The following FAM170B variants were observed in gnomAD, a reference collection of about 807,000 sequenced individuals.
FAM170B encodes family with sequence similarity 170 member B.
FAM170B carries 4 observed loss-of-function variants against 3.9 expected under a neutral mutation model. That is an observed-to-expected ratio of 1.01 (90% CI 0.50 to 2.32). The LOEUF is 2.32. FAM170B is among the 30% of genes most tolerant of loss of function. FAM170B has a pLI of 0.02. For synonymous variants in FAM170B, 163 were observed against 149.8 expected (o/e 1.09, Z -0.64); for missense variants, 417 against 368.6 (o/e 1.13, Z -1.07).
chr10:49,132,373 G>A (rs1041356663), intron 1 of FAM170B, 21 bp from the exon 2 acceptor site: 1 of 1,511,662 alleles, frequency 6.6e-7, no homozygotes, highest in Non-Finnish European at 8.9e-7. Context: ...GAAGGACATT[G>A]TCATCAGTGC....
Position 49,131,962 on chromosome 10 carries a change from G to C in FAM170B, c.503C>G (p.Ala168Gly), listed in dbSNP as rs1395182163. The C allele has an allele frequency of 6.4e-7, 1 of 1,551,500 alleles. No homozygotes were observed. The highest frequency in any genetic ancestry group is 2.4e-5 in the East Asian group (1 of 40,920). The change falls in exon 2 of 2, where the codon GCC becomes GGC. Residue 168 changes from alanine to glycine, a missense_variant. Coordinates refer to ENST00000311787, the MANE Select transcript of FAM170B (RefSeq NM_001164484.2). Reference sequence around the variant, plus strand: ...CTCGGGGCTGCAGTTGCTCTTGCAGGCTTCCAGGTCCCAGCGCATATCGGT... The same window carrying C: ...CTCGGGGCTGCAGTTGCTCTTGCAGCCTTCCAGGTCCCAGCGCATATCGGT... Reference protein sequence around the residue: ...SNTDMRWDLEACKSNCSPEPE... With the variant: ...SNTDMRWDLEGCKSNCSPEPE...
Position 49,131,462 on chromosome 10 carries a change from TCCTGGC to T in FAM170B, c.*145_*150del. ...GGCAGGAAGGGGGTTCCTTCCAGTC[TCCTGGC>T]CCTCCTTGCTCTACACTCCATGCCT... On this transcript the variant is annotated 3_prime_UTR_variant, in exon 2 of 2. Coordinates refer to ENST00000311787, the MANE Select transcript of FAM170B (RefSeq NM_001164484.2). 1 of 1,163,460 alleles carries T rather than the reference TCCTGGC, an allele frequency of 8.6e-7. No individual in the cohort carries two copies. Among genetic ancestry groups the T allele is most frequent in the Non-Finnish European group, 1.2e-6 (1 of 857,584 alleles). The allele number at this position is 1,163,460 out of a possible 1,614,324, so 72.1% of individuals were successfully genotyped here. A position where few individuals can be genotyped will look rare whatever the true frequency, so the allele number is the denominator to read the frequency against.
intron 1 of FAM170B, 23 bp from the exon 2 acceptor site, chr10:49,132,375 C>A: frequency 6.6e-7 from 1 of 1,508,224 alleles, no homozygotes; most frequent in African/African-American, 1.4e-5. Context: ...AGGACATTGT[C>A]ATCAGTGCCC....
At chr10:49,133,664 C>G in intron 1 of FAM170B, 143 bp downstream of exon 1, 2 of 652,666 alleles carry the variant, frequency 3.1e-6, no homozygotes, top group Non-Finnish European at 5.4e-6. Context: ...TATCAATTTC[C>G]TTTCCCTCCA....
At position 49,133,994 on chromosome 10, in the gene FAM170B, C is replaced by A; in HGVS notation, c.-76G>T. 1 of 1,119,672 alleles carries A rather than the reference C, an allele frequency of 8.9e-7. No homozygotes were observed. Among genetic ancestry groups the A allele is most frequent in the African/African-American group, 1.5e-5 (1 of 65,132 alleles). The allele number at this position is 1,119,672 out of a possible 1,614,324, so 69.4% of individuals were successfully genotyped here. On this transcript the variant is annotated 5_prime_UTR_variant, in exon 1 of 2. Coordinates refer to ENST00000311787, the MANE Select transcript of FAM170B (RefSeq NM_001164484.2). The stretch of plus-strand genomic sequence containing the variant: ...TTGGCTGGGGCTGTACTGAAGGCCT[C>A]CAGCTGGCCCCAGCCAGAGTGGACA...
At chr10:49,133,751 G>A (rs934897625) in intron 1 of FAM170B, 56 bp downstream of exon 1, 18 of 1,447,722 alleles carry the variant, frequency 1.2e-5, no homozygotes, top group African/African-American at 1.1e-4. Flanking sequence ...TCCCATCAGG[G>A]CTTCCTTCCC....
At chr10:49,133,684 T>C in intron 1 of FAM170B, 123 bp downstream of exon 1, 1 of 727,348 alleles carries the variant, frequency 1.4e-6, no homozygotes, top group East Asian at 2.7e-5. Flanking sequence ...ACATCTATGT[T>C]TATGGTCAAC....
At position 49,131,375 on chromosome 10, in the gene FAM170B, A is replaced by G. The variant is rs1845179082; in HGVS notation, c.*238T>C. 2.0e-6 allele frequency: 1 copy of G among 491,868 alleles called. No individual in the cohort carries two copies. 30.5% of individuals were successfully genotyped at this position (491,868 alleles called of 1,614,324 possible). On this transcript the variant is annotated 3_prime_UTR_variant, in exon 2 of 2. Coordinates refer to ENST00000311787, the MANE Select transcript of FAM170B (RefSeq NM_001164484.2). ...TTTCAGATGTTGTGCCTGCCATCAGAAACACTCAAAGCCCTCTCGTTTGGG... is the reference window on the plus strand; with the variant it reads ...TTTCAGATGTTGTGCCTGCCATCAGGAACACTCAAAGCCCTCTCGTTTGGG...
rs569761208 is a variant in FAM170B at position 49,131,592 on chromosome 10, G to A, written c.*21C>T. On this transcript the variant is annotated 3_prime_UTR_variant, in exon 2 of 2. Transcript: ENST00000311787. ...CCCAGGCCCTGGAGGTGAGGGCAGG[G>A]TTGGGTATCTCCCCTCTGGCTCACT... is the stretch of plus-strand genomic sequence containing the variant. 3 of 1,540,558 alleles carry A rather than the reference G, an allele frequency of 1.9e-6. No homozygotes were observed. The highest frequency in any genetic ancestry group is 1.2e-5 in the South Asian group (1 of 82,192).
chr10:49,132,845 CAA>C (rs111650567), intron 1 of FAM170B, among the ~76,000 whole-genome samples: 31 of 142,728 alleles, frequency 2.2e-4, no homozygotes, highest in Middle Eastern at 3.5e-3. Flanking sequence ...AGAATGTGAA[CAA>C]AAAAAAAAAA....
chr10:49,131,400 G>A lies in FAM170B; in HGVS notation c.*213C>T. On this transcript the variant is annotated 3_prime_UTR_variant, in exon 2 of 2. Coordinates refer to ENST00000311787, the MANE Select transcript of FAM170B (RefSeq NM_001164484.2). ...AAACACTCAAAGCCCTCTCGTTTGG[G>A]TTTTGAAATGGACTCTGGTGGAGAT... 1.7e-6 allele frequency: 1 copy of A among 602,194 alleles called. No individual in the cohort carries two copies. Among genetic ancestry groups the A allele is most frequent in the East Asian group, 3.0e-5 (1 of 33,812 alleles). The allele number at this position is 602,194 out of a possible 1,614,324, so 37.3% of individuals were successfully genotyped here.
chr10:49,133,984 C>T lies in FAM170B; in HGVS notation c.-66G>A, dbSNP rs2132046811. On this transcript the variant is annotated 5_prime_UTR_variant, in exon 1 of 2. Coordinates refer to ENST00000311787, the MANE Select transcript of FAM170B (RefSeq NM_001164484.2). ...TCAGTGAGAGTTGGCTGGGGCTGTA[C>T]TGAAGGCCTCCAGCTGGCCCCAGCC... is the stretch of plus-strand genomic sequence containing the variant. The T allele has an allele frequency of 1.5e-6, 2 of 1,300,792 alleles. No individual in the cohort carries two copies. The highest frequency in any genetic ancestry group is 5.0e-5 in the East Asian group (2 of 39,732). The allele number at this position is 1,300,792 out of a possible 1,614,324, so 80.6% of individuals were successfully genotyped here.
rs944422334 is a variant in FAM170B at position 49,131,596 on chromosome 10, G to C, written c.*17C>G. 6.5e-7 allele frequency: 1 copy of C among 1,542,772 alleles called. No homozygotes were observed. The highest frequency in any genetic ancestry group is 8.8e-7 in the Non-Finnish European group (1 of 1,141,598). ...GGCCCTGGAGGTGAGGGCAGGGTTGGGTATCTCCCCTCTGGCTCACTGCTT... is the reference window on the plus strand; with the variant it reads ...GGCCCTGGAGGTGAGGGCAGGGTTGCGTATCTCCCCTCTGGCTCACTGCTT... On this transcript the variant is annotated 3_prime_UTR_variant, in exon 2 of 2. Coordinates refer to ENST00000311787, the MANE Select transcript of FAM170B (RefSeq NM_001164484.2).
chr10:49,132,504 G>C (rs1189854587), intron 1 of FAM170B, among the ~76,000 whole-genome samples, 152 bp from the exon 2 acceptor site: 1 of 152,098 alleles, frequency 6.6e-6, no homozygotes, highest in Non-Finnish European at 1.5e-5. Context: ...AATGAAGATG[G>C]TGATAATGCC....
At position 49,131,759 on chromosome 10, in the gene FAM170B, A is replaced by G. The variant is rs1845184934; in HGVS notation, c.706T>C (p.Phe236Leu). ...CTTCTCTCCAGCATCTCCTCAAAAA[A>G]GATCTGACAGCTGAAGCCCTCCCGG... ...GIREGFSCQI[F>L]FEEMLERRRA... Residue 236 changes from phenylalanine (F) to leucine (L), a missense_variant, in exon 2 of 2, where the codon TTT (phenylalanine) becomes CTT (leucine). By Grantham distance (22) the Phe-to-Leu change is conservative. Coordinates refer to ENST00000311787, the MANE Select transcript of FAM170B (RefSeq NM_001164484.2). 1 of 1,551,420 alleles carries G rather than the reference A, an allele frequency of 6.4e-7. No individual in the cohort carries two copies. Among genetic ancestry groups the G allele is most frequent in the African/African-American group, 1.4e-5 (1 of 73,058 alleles).
chr10:49,133,109 A>C (rs578021643), intron 1 of FAM170B, among the ~76,000 whole-genome samples: 41 of 152,336 alleles, frequency 2.7e-4, no homozygotes, highest in African/African-American at 8.2e-4. Context: ...CTGTGTGCAT[A>C]AAAGACACCT....
Position 49,131,813 on chromosome 10 carries a change from C to A in FAM170B, c.652G>T (p.Ala218Ser). 6.5e-7 allele frequency: 1 copy of A among 1,548,788 alleles called. No homozygotes were observed. Among genetic ancestry groups the A allele is most frequent in the Non-Finnish European group, 8.7e-7 (1 of 1,146,968 alleles). ...ACCRVLPSLD[A>S]LLEHAQHGIR... ...CCATGCTGGGCGTGCTCCAGCAGAG[C>A]GTCCAGGGAGGGCAAGACCCTGCAG... The change falls in exon 2 of 2, where the codon GCT becomes TCT. Residue 218 changes from alanine to serine, a missense_variant. Ala to Ser is a moderately conservative substitution (Grantham distance 99, BLOSUM62 1). Transcript: ENST00000311787.
Position 49,131,504 on chromosome 10 carries a change from C to G in FAM170B, c.*109G>C. 7.0e-7 allele frequency: 1 copy of G among 1,424,632 alleles called. No individual in the cohort carries two copies. The highest frequency in any genetic ancestry group is 9.2e-7 in the Non-Finnish European group (1 of 1,082,222). The allele number at this position is 1,424,632 out of a possible 1,614,324, so 88.2% of individuals were successfully genotyped here. ...CTACACTCCATGCCTTTCCTTCCCC[C>G]TGACCCTGGTCCTCTCTCCCTGCCC... On this transcript the variant is annotated 3_prime_UTR_variant, in exon 2 of 2. Coordinates refer to ENST00000311787, the MANE Select transcript of FAM170B (RefSeq NM_001164484.2).
intron 1 of FAM170B, among the ~76,000 whole-genome samples, chr10:49,133,497 T>C (rs1210566889): frequency 6.6e-6 from 1 of 152,230 alleles, no homozygotes; most frequent in East Asian, 1.9e-4. Context: ...AGGAATTTTT[T>C]ATTTCACTGC....
Sources: allele counts gnomAD v4.1 joint callset (sites outside exome capture counted in the v4.1 genomes callset), GRCh38; gene constraint gnomAD v4.1.1; transcripts MANE v1.5; gene names NCBI Gene and HGNC (gene_info 2026-07-23, HGNC 2026-07-21).